Variants in VAV3 observed in about 807,000 individuals in gnomAD.
VAV3 encodes the protein vav guanine nucleotide exchange factor 3, also known as guanine nucleotide exchange factor VAV3.
Under a neutral mutation model 131.2 loss-of-function variants are expected in VAV3, and 94 were observed. The ratio of observed to expected loss-of-function variants is 0.72; its 90% CI spans 0.61 to 0.85. The LOEUF is 0.85. Among genes scored for constraint, VAV3 ranks in the 40% least tolerant of loss-of-function variants. The pLI is 0.00. For missense variants in VAV3, 939 were observed against 1,002.7 expected, an observed-to-expected ratio of 0.94 and a Z score of 0.86; for synonymous variants, 349 against 342.0, an observed-to-expected ratio of 1.02 and a Z score of -0.22.
chr1:107,823,192 TA>T (rs1412196611), intron 2 of VAV3, among the ~76,000 whole-genome samples: 1 of 152,198 alleles, frequency 6.6e-6, no homozygotes, highest in East Asian at 1.9e-4. Context: ...AAAACTTGCT[TA>T]CAACAGTGAT....
intron 19 of VAV3, among the ~76,000 whole-genome samples, chr1:107,680,258 A>T (rs574600951): frequency 3.2e-4 from 49 of 151,798 alleles, no homozygotes; most frequent in Non-Finnish European, 5.9e-4. Context: ...ATCACAGTTG[A>T]CTATGTTTAT....
chr1:107,605,417 G>A (rs541572808), intron 22 of VAV3, among the ~76,000 whole-genome samples: 8 of 152,212 alleles, frequency 5.3e-5, no homozygotes, highest in Non-Finnish European at 8.8e-5. Flanking sequence ...CTGCTTCCTC[G>A]CTTTGTGATA....
At chr1:107,634,515 A>T (rs1654752698) in intron 20 of VAV3, among the ~76,000 whole-genome samples, 1 of 152,196 alleles carries the variant, frequency 6.6e-6, no homozygotes, top group Non-Finnish European at 1.5e-5. Flanking sequence ...AAACCATAAA[A>T]ACCCTAGAAG....
At chr1:107,827,018 C>T (rs1180707452) in intron 2 of VAV3, among the ~76,000 whole-genome samples, 7 of 152,074 alleles carry the variant, frequency 4.6e-5, no homozygotes, top group Non-Finnish European at 8.8e-5. Flanking sequence ...ATATGAATGA[C>T]CTAAAAGTTA....
chr1:107,698,402 G>A (rs2101817874), intron 17 of VAV3, among the ~76,000 whole-genome samples: 1 of 152,270 alleles, frequency 6.6e-6, no homozygotes, highest in African/African-American at 2.4e-5. Flanking sequence ...GTACTGTGTT[G>A]CCAGATGATT....
Position 107,609,956 on chromosome 1 carries a change from G to A in VAV3, c.1990C>T (p.Pro664Ser). Residue 664 changes from proline (P) to serine (S), a missense_variant, in exon 22 of 27, where the codon CCA becomes TCA. Coordinates refer to ENST00000370056, the MANE Select transcript of VAV3 (RefSeq NM_006113.5). ...AVKPCPCVPK[P>S]VDYSCQPWYA... ...CAGGGTTGGCAAGAATAATCTACTG[G>A]TTTGGGCACCTAGGATATAAAAAAG... The A allele has an allele frequency of 6.2e-7, 1 of 1,613,490 alleles. No homozygotes were observed. Among genetic ancestry groups the A allele is most frequent in the Non-Finnish European group, 8.5e-7 (1 of 1,179,600 alleles).
chr1:107,883,113 A>C (rs899831743), intron 1 of VAV3, among the ~76,000 whole-genome samples: 16 of 152,208 alleles, frequency 1.1e-4, no homozygotes, highest in Admixed American at 3.9e-4. Context: ...AAATACAGTA[A>C]TTTACCATTT....
chr1:107,640,294 A>C (rs1305548879), intron 20 of VAV3, among the ~76,000 whole-genome samples: 1 of 152,216 alleles, frequency 6.6e-6, no homozygotes, highest in Non-Finnish European at 1.5e-5. Context: ...ATAAAAAGAA[A>C]GAACTATCAT....
chr1:107,720,016 A>G (rs925427100), intron 15 of VAV3, among the ~76,000 whole-genome samples: 1 of 152,102 alleles, frequency 6.6e-6, no homozygotes, highest in Non-Finnish European at 1.5e-5. Flanking sequence ...CAATGAGAAC[A>G]CTTGGACACA....
intron 4 of VAV3, among the ~76,000 whole-genome samples, chr1:107,774,867 G>A (rs1665251904): frequency 6.6e-6 from 1 of 151,088 alleles, no homozygotes; most frequent in African/African-American, 2.4e-5. Context: ...AAATCAAGCT[G>A]TCACAGCAAA....
At chr1:107,580,180 T>G (rs188704057) in intron 25 of VAV3, among the ~76,000 whole-genome samples, 1 of 152,338 alleles carries the variant, frequency 6.6e-6, no homozygotes, top group Non-Finnish European at 1.5e-5. Context: ...TCAGGTCCAG[T>G]GCTAAGCAAC....
chr1:107,619,499 A>G (rs1653409661), intron 20 of VAV3, among the ~76,000 whole-genome samples: 1 of 152,172 alleles, frequency 6.6e-6, no homozygotes, highest in Non-Finnish European at 1.5e-5. Flanking sequence ...ACCTTTATAT[A>G]TAAACACACT....
In VAV3 at chr1:107,590,209, AG is replaced by A. The variant is rs61352035; in HGVS notation, c.2350+6002del. Among the ~76,000 whole-genome samples, 655 of 144,154 alleles carry A rather than the reference AG, an allele frequency of 4.5e-3. 7 individuals are homozygous for A. Among genetic ancestry groups the A allele is most frequent in the African/African-American group, 0.016 (626 of 38,902 alleles). The allele number at this position is 144,154 out of a possible 152,430, so 94.6% of individuals were successfully genotyped here. On this transcript the variant is annotated intron_variant, in intron 25 of 26. Transcript: ENST00000370056. ...CTACACTATTTGTCACCACACTGAAAGGAACATGCTGATCTACACTTTGTTT... is the reference window on the plus strand; with the variant it reads ...CTACACTATTTGTCACCACACTGAAAGAACATGCTGATCTACACTTTGTTT...
intron 9 of VAV3, among the ~76,000 whole-genome samples, chr1:107,761,418 A>T (rs1032931943): frequency 2.6e-5 from 4 of 151,848 alleles, no homozygotes; most frequent in African/African-American, 9.7e-5. Context: ...AAGAAAAAAG[A>T]AAAAGAAAAT....
intron 2 of VAV3, among the ~76,000 whole-genome samples, chr1:107,828,151 T>C (rs1032428988): frequency 2.6e-5 from 4 of 152,216 alleles, no homozygotes; most frequent in African/African-American, 9.6e-5. Context: ...AGCTCCTCTC[T>C]GGAACATCTG....
intron 19 of VAV3, among the ~76,000 whole-genome samples, chr1:107,673,875 C>T (rs985844308): frequency 2.0e-5 from 3 of 152,106 alleles, no homozygotes; most frequent in African/African-American, 7.2e-5. Context: ...GGTAATTTGT[C>T]CAGAGAACTT....
chr1:107,690,846 G>A (rs1384731542), intron 17 of VAV3, among the ~76,000 whole-genome samples: 1 of 152,106 alleles, frequency 6.6e-6, no homozygotes, highest in Non-Finnish European at 1.5e-5. Context: ...TTCACCCTCT[G>A]CCAAGGAGAG....
chr1:107,797,346 T>C (rs1408787830), intron 2 of VAV3, among the ~76,000 whole-genome samples: 1 of 152,224 alleles, frequency 6.6e-6, no homozygotes, highest in Non-Finnish European at 1.5e-5. Flanking sequence ...TAAATATTTA[T>C]TGAGTATCTG....
intron 18 of VAV3, among the ~76,000 whole-genome samples, chr1:107,686,864 T>C (rs1007846895): frequency 1.3e-5 from 2 of 152,182 alleles, no homozygotes; most frequent in South Asian, 2.1e-4. Flanking sequence ...ATATTTTCTT[T>C]CTGTAAGCAC....
Sources: gnomAD v4.1 joint callset for allele counts (sites outside exome capture counted in the v4.1 genomes callset) on GRCh38, gnomAD v4.1.1 for gene constraint, MANE v1.5 for transcripts, NCBI Gene and HGNC (gene_info 2026-07-23, HGNC 2026-07-21) for gene names.